The following FRMD4A variants were observed in gnomAD, a reference collection of about 807,000 sequenced individuals.
FRMD4A encodes FERM domain containing 4A.
A neutral mutation model predicts 129.1 loss-of-function variants in FRMD4A; 29 were observed. That is an observed-to-expected ratio of 0.22 (90% CI 0.17 to 0.31). The LOEUF is 0.31. Among genes scored for constraint, FRMD4A ranks in the 10% least tolerant of loss-of-function variants. FRMD4A has a pLI of 1.00. For missense variants in FRMD4A, 1,272 were observed against 1,375.8 expected (o/e 0.92, Z 1.19); for synonymous variants, 634 against 571.6 (o/e 1.11, Z -1.56).
intron 2 of FRMD4A, among the ~76,000 whole-genome samples, chr10:14,274,701 C>T (rs1328442965): frequency 6.6e-6 from 1 of 152,198 alleles, no homozygotes; most frequent in African/African-American, 2.4e-5. Flanking sequence ...GGAGGATCCT[C>T]TCCCACCTCT....
At chr10:13,911,697 G>A (rs1002818803) in intron 2 of FRMD4A, among the ~76,000 whole-genome samples, 1 of 152,132 alleles carries the variant, frequency 6.6e-6, no homozygotes, top group African/African-American at 2.4e-5. Context: ...GAGTAGCTGG[G>A]ACTACAGGCA....
intron 2 of FRMD4A, among the ~76,000 whole-genome samples, chr10:14,225,336 C>T (rs1021554318): frequency 2.6e-5 from 4 of 152,156 alleles, no homozygotes; most frequent in Admixed American, 1.3e-4. Flanking sequence ...CAAATCAACA[C>T]CTAATGGATT....
intron 15 of FRMD4A, chr10:13,684,366 G>A: frequency 2.0e-6 from 2 of 985,128 alleles, no homozygotes; most frequent in Admixed American, 6.1e-5. Flanking sequence ...AATCTTTGGA[G>A]TGAACTTCCC....
chr10:14,278,563 GAAAT>G (rs1845416537), intron 2 of FRMD4A, among the ~76,000 whole-genome samples: 1 of 152,256 alleles, frequency 6.6e-6, no homozygotes, highest in Non-Finnish European at 1.5e-5. Context: ...ACCCTTTGTT[GAAAT>G]AAATAAATAG....
intron 2 of FRMD4A, among the ~76,000 whole-genome samples, chr10:13,869,206 A>G (rs2094411182): frequency 6.6e-6 from 1 of 152,244 alleles, no homozygotes; most frequent in Admixed American, 6.5e-5. Context: ...TGAATGCTAC[A>G]GGGCAGCGTG....
Position 14,076,171 on chromosome 10 carries a change from C to G in FRMD4A, c.46-217259G>C, listed in dbSNP as rs1214097079. Reference sequence around the variant, plus strand: ...GTGTGTCTAACCCAGCCATCCACAGCTATGTCATGAAGACCTGTGCATGGA... The same window carrying G: ...GTGTGTCTAACCCAGCCATCCACAGGTATGTCATGAAGACCTGTGCATGGA... On this transcript the variant is annotated intron_variant, in intron 2 of 24. Coordinates refer to ENST00000357447, the MANE Select transcript of FRMD4A (RefSeq NM_018027.5). 4.6e-5 allele frequency among the ~76,000 whole-genome samples: 7 copies of G among 152,330 alleles called. No homozygotes were observed. The East Asian group carries it at 1.2e-3, about 25-fold the overall frequency.
rs56706198 is a variant in FRMD4A, at chr10:13,669,057, G to GTTT, written c.1374+1346_1374+1348dup. Reference sequence around the variant, plus strand: ...CCAGGAACTGCCTAACTGAGCTTTAGTTTTTTTTTTTTTTTTTTTTTTTTT... The same window carrying GTTT: ...CCAGGAACTGCCTAACTGAGCTTTAGTTTTTTTTTTTTTTTTTTTTTTTTTTTT... On this transcript the variant is annotated intron_variant, in intron 17 of 24. Transcript: ENST00000357447. Among the ~76,000 whole-genome samples, 519 of 97,442 alleles carry GTTT rather than the reference G, an allele frequency of 5.3e-3. 41 individuals carry two copies. Among genetic ancestry groups the GTTT allele is most frequent in the Non-Finnish European group, 6.9e-3 (348 of 50,230 alleles). 63.9% of individuals were successfully genotyped at this position (97,442 alleles called of 152,430 possible).
At chr10:14,104,949 G>T (rs946140541) in intron 2 of FRMD4A, among the ~76,000 whole-genome samples, 5 of 152,188 alleles carry the variant, frequency 3.3e-5, no homozygotes, top group Non-Finnish European at 5.9e-5. Context: ...GTGTTTGAGG[G>T]ATCCAAATGA....
chr10:14,188,587 G>T (rs1023111139), intron 2 of FRMD4A, among the ~76,000 whole-genome samples: 2 of 152,060 alleles, frequency 1.3e-5, no homozygotes, highest in African/African-American at 4.8e-5. Context: ...TACTTAATAA[G>T]CCCTCAATAG....
intron 3 of FRMD4A, among the ~76,000 whole-genome samples, chr10:13,834,289 A>G (rs749511646): frequency 2.0e-5 from 3 of 152,030 alleles, no homozygotes; most frequent in Non-Finnish European, 4.4e-5. Context: ...CAACAAAACA[A>G]AACAAAAACC....
At chr10:14,132,525 C>A (rs866542432) in intron 2 of FRMD4A, among the ~76,000 whole-genome samples, 5 of 152,172 alleles carry the variant, frequency 3.3e-5, no homozygotes, top group Non-Finnish European at 5.9e-5. Flanking sequence ...TGGCTGGCCC[C>A]TCTTTGTTCC....
At chr10:13,827,509 C>T (rs2093720937) in intron 3 of FRMD4A, among the ~76,000 whole-genome samples, 1 of 152,172 alleles carries the variant, frequency 6.6e-6, no homozygotes, top group African/African-American at 2.4e-5. Flanking sequence ...TAATGTCGGC[C>T]ATTAGGCAGC....
chr10:13,796,449 G>T, intron 5 of FRMD4A, 47 bp downstream of exon 5: 1 of 929,398 alleles, frequency 1.1e-6, no homozygotes, highest in Non-Finnish European at 1.8e-6. Context: ...AGACTTCCCT[G>T]ATAAAGAACA....
chr10:14,153,790 A>C (rs1840461409), intron 2 of FRMD4A, among the ~76,000 whole-genome samples: 1 of 152,220 alleles, frequency 6.6e-6, no homozygotes, highest in South Asian at 2.1e-4. Context: ...CGGAGGGCAG[A>C]ATAAGACAGA....
At position 13,932,477 on chromosome 10, in the gene FRMD4A, G is replaced by A. The variant is rs190382439; in HGVS notation, c.46-73565C>T. On this transcript the variant is annotated intron_variant, in intron 2 of 24. Coordinates refer to ENST00000357447, the MANE Select transcript of FRMD4A (RefSeq NM_018027.5). Reference sequence around the variant, plus strand: ...TTGCAGATGCCACACCTTGTTCCATGAGGAGAAGGCGGGGCAGTCTCTCTT... The same window carrying A: ...TTGCAGATGCCACACCTTGTTCCATAAGGAGAAGGCGGGGCAGTCTCTCTT... 1.6e-4 allele frequency among the ~76,000 whole-genome samples: 25 copies of A among 152,298 alleles called. No individual in the cohort carries two copies. In the East Asian group the frequency reaches 3.7e-3, roughly 22 times the overall value.
chr10:13,958,619 C>G lies in FRMD4A; in HGVS notation c.46-99707G>C, dbSNP rs988662983. Among the ~76,000 whole-genome samples the G allele has an allele frequency of 9.0e-5, 13 of 144,800 alleles. No homozygotes were observed. The Admixed American group carries it at 9.2e-4, about 10-fold the overall frequency. 95.0% of individuals were successfully genotyped at this position (144,800 alleles called of 152,430 possible). A position where few individuals can be genotyped will look rare whatever the true frequency, so the allele number is the denominator to read the frequency against. On this transcript the variant is annotated intron_variant, in intron 2 of 24. Transcript: ENST00000357447. ...TTCTTTCTTTTTTTTTTTCCCCGCTCTTCTTGCCCAGGCTGGAGTGCAATG... is the reference window on the plus strand; with the variant it reads ...TTCTTTCTTTTTTTTTTTCCCCGCTGTTCTTGCCCAGGCTGGAGTGCAATG...
intron 2 of FRMD4A, among the ~76,000 whole-genome samples, chr10:13,992,912 C>T (rs1227547051): frequency 1.6e-5 from 2 of 121,704 alleles, no homozygotes; most frequent in African/African-American, 3.0e-5. Flanking sequence ...AAGATTGTGC[C>T]ATTGCACTCC....
intron 2 of FRMD4A, among the ~76,000 whole-genome samples, chr10:13,984,766 T>C (rs1401686836): frequency 6.6e-6 from 1 of 152,242 alleles, no homozygotes; most frequent in Non-Finnish European, 1.5e-5. Flanking sequence ...CATTCATCCA[T>C]CAGCGGGCAC....
At chr10:13,946,693 G>A (rs1244985973) in intron 2 of FRMD4A, among the ~76,000 whole-genome samples, 2 of 152,076 alleles carry the variant, frequency 1.3e-5, no homozygotes, top group East Asian at 3.9e-4. Context: ...CAAGTGATTG[G>A]TCCACTGAAG....
Sources: allele counts gnomAD v4.1 joint callset (sites outside exome capture counted in the v4.1 genomes callset), GRCh38; gene constraint gnomAD v4.1.1; transcripts MANE v1.5; gene names NCBI Gene and HGNC (gene_info 2026-07-23, HGNC 2026-07-21).